ITIH6: variants seen among roughly 807,000 people sequenced by gnomAD.
The protein encoded by ITIH6 is inter-alpha-trypsin inhibitor heavy chain family member 6.
ITIH6 carries 60 observed loss-of-function variants against 58.2 expected under a neutral mutation model. The observed-to-expected ratio is 1.03, with a 90% CI of 0.84 to 1.28. The LOEUF (loss-of-function observed/expected upper bound fraction) is 1.28. ITIH6 is among the 50% of genes most tolerant of loss of function. The pLI is 0.00. For missense variants in ITIH6, 1,290 were observed against 1,021.1 expected (o/e 1.26, Z -3.59); for synonymous variants, 493 against 417.4 (o/e 1.18, Z -2.21).
At chrX:54,790,723 C>G (rs1341137663) in intron 4 of ITIH6, 114 bp downstream of exon 4, 2 of 950,855 alleles carry the variant, frequency 2.1e-6, no homozygotes, top group East Asian at 3.1e-5. Flanking sequence ...CAGGAAGGAA[C>G]TTGGCAGTGA....
intron 6 of ITIH6, among the ~76,000 whole-genome samples, chrX:54,765,367 T>A (rs1262542153): frequency 1.4e-5 from 1 of 73,464 alleles, no homozygotes; most frequent in East Asian, 4.3e-4. Context: ...ATGCCTAGGT[T>A]TTCTTCTAGG....
intron 6 of ITIH6, among the ~76,000 whole-genome samples, chrX:54,770,475 G>T (rs1015068646): frequency 2.7e-4 from 30 of 112,675 alleles, no homozygotes; most frequent in Non-Finnish European, 1.1e-4. Flanking sequence ...CATTTTACAT[G>T]ATCCCGTTTT....
At chrX:54,771,413 T>G (rs932882323) in intron 6 of ITIH6, among the ~76,000 whole-genome samples, 1 of 112,371 alleles carries the variant, frequency 8.9e-6, no homozygotes, top group African/African-American at 3.2e-5. Context: ...GCTTCAGGAA[T>G]TTCTATGAAC....
chrX:54,774,845 G>C (rs769265566), intron 5 of ITIH6, among the ~76,000 whole-genome samples: 1 of 112,043 alleles, frequency 8.9e-6, no homozygotes, highest in East Asian at 2.8e-4. Context: ...GGCTGGGACA[G>C]CTGAGGGAAG....
At chrX:54,788,833 C>T (rs1040365984) in intron 4 of ITIH6, among the ~76,000 whole-genome samples, 184 bp from the exon 5 acceptor site, 1 of 112,326 alleles carries the variant, frequency 8.9e-6, no homozygotes, top group African/African-American at 3.2e-5. Flanking sequence ...AGTCCCACAG[C>T]CAGCTCCTCT....
chrX:54,769,925 C>A (rs1312937458), intron 6 of ITIH6, among the ~76,000 whole-genome samples: 1 of 106,731 alleles, frequency 9.4e-6, no homozygotes, highest in Non-Finnish European at 1.9e-5. Flanking sequence ...AGCTTCCCGG[C>A]TGCTTTGTTT....
At chrX:54,785,590 C>T (rs1415163672) in intron 5 of ITIH6, among the ~76,000 whole-genome samples, 1 of 111,735 alleles carries the variant, frequency 8.9e-6, no homozygotes, top group Non-Finnish European at 1.9e-5. Context: ...CCATGAATGT[C>T]ACAGTTGAAC....
chrX:54,781,204 G>A (rs774392719), intron 5 of ITIH6, among the ~76,000 whole-genome samples: 6 of 111,712 alleles, frequency 5.4e-5, no homozygotes, highest in South Asian at 3.7e-4. Flanking sequence ...TGATGAAGAC[G>A]CCAAAAGCAG....
chrX:54,768,645 T>TA (rs1317611966), intron 6 of ITIH6, among the ~76,000 whole-genome samples: 20 of 109,014 alleles, frequency 1.8e-4, no homozygotes, highest in Admixed American at 1.8e-3. Context: ...TGAAGCTTAG[T>TA]TTGGCTGGAT....
chrX:54,774,088 A>G lies in ITIH6; in HGVS notation c.896T>C (p.Met299Thr), dbSNP rs1929007200. ...DVSSSMFGTK[M>T]EQTKTAMNVI... ...TTCCAGGATCCTTGTTACCTGTTCC[A>G]TCTTGGTACCAAACATGGAGCTGCT... The change falls in exon 6 of 13, where the codon ATG becomes ACG. Residue 299 changes from methionine to threonine, a missense_variant. Transcript: ENST00000218436. 4.3e-6 allele frequency: 5 copies of G among 1,156,588 alleles called. No homozygotes were observed. Among genetic ancestry groups the G allele is most frequent in the Non-Finnish European group, 5.9e-6 (5 of 853,449 alleles).
chrX:54,768,711 C>T (rs1158023445), intron 6 of ITIH6, among the ~76,000 whole-genome samples: 3 of 104,161 alleles, frequency 2.9e-5, no homozygotes, highest in African/African-American at 1.1e-4. Flanking sequence ...TTGGCCCCCA[C>T]TCTCTTCTGG....
In ITIH6 at chrX:54,798,156, CAAG is replaced by C; in HGVS notation, c.52_54del (p.Leu18del). On this transcript the variant is annotated inframe_deletion, in exon 1 of 13. Coordinates refer to ENST00000218436, the MANE Select transcript of ITIH6 (RefSeq NM_198510.3). ...ACAGGGGGTCCCTGGTATGTCAGTT[CAAG>C]AAGAATGGTCAGCAAAAAGCTGACA... 1 of 1,192,622 alleles carries C rather than the reference CAAG, an allele frequency of 8.4e-7. No homozygotes were observed. The highest frequency in any genetic ancestry group is 1.1e-6 in the Non-Finnish European group (1 of 886,189).
At chrX:54,781,240 G>C (rs1243844618) in intron 5 of ITIH6, among the ~76,000 whole-genome samples, 2 of 111,945 alleles carry the variant, frequency 1.8e-5, no homozygotes, top group Middle Eastern at 4.6e-3. Flanking sequence ...AAAGAGACAA[G>C]TGGGATCCAA....
chrX:54,786,864 G>A (rs1929251211), intron 5 of ITIH6, among the ~76,000 whole-genome samples: 1 of 111,621 alleles, frequency 9.0e-6, no homozygotes. Context: ...CCAACTCAAG[G>A]TATGACACAG....
chrX:54,779,618 G>GA lies in ITIH6; in HGVS notation c.787-5422dup, dbSNP rs761740728. Among the ~76,000 whole-genome samples, 4 of 109,834 alleles carry GA rather than the reference G, an allele frequency of 3.6e-5. No individual in the cohort carries two copies. The Admixed American group carries it at 3.9e-4, about 11-fold the overall frequency. The stretch of plus-strand genomic sequence containing the variant: ...ATCTTGCTAAAAGGAAGACAGGAAG[G>GA]AAAAAAAAGGATGAGCAGACCACAA... On this transcript the variant is annotated intron_variant, in intron 5 of 12. Transcript: ENST00000218436.
In ITIH6 at chrX:54,755,080, C is replaced by G; in HGVS notation, c.3139G>C (p.Glu1047Gln). The change falls in exon 9 of 13, where the codon GAG (glutamate) becomes CAG (glutamine). Residue 1047 changes from glutamate to glutamine, a missense_variant. Transcript: ENST00000218436. The part of the protein sequence containing the change: ...GSPNWDGNSE[E>Q]ILGGAGGSME... ...CTGCCTCCAGCTCCTCCCAGGATCT[C>G]CTCAGAATTGCCATCCCAGTTTGGA... is the stretch of plus-strand genomic sequence containing the variant. 1 of 1,210,240 alleles carries G rather than the reference C, an allele frequency of 8.3e-7. No homozygotes were observed. The highest frequency in any genetic ancestry group is 1.1e-6 in the Non-Finnish European group (1 of 894,373).
At position 54,761,709 on chromosome X, in the gene ITIH6, T is replaced by G. The variant is rs371505463; in HGVS notation, c.904-1782A>C. Among the ~76,000 whole-genome samples the G allele has an allele frequency of 7.2e-5, 8 of 110,864 alleles. No individual in the cohort carries two copies. The East Asian group carries it at 1.1e-3, about 16-fold the overall frequency. On this transcript the variant is annotated intron_variant, in intron 6 of 12. Transcript: ENST00000218436. ...TTAAATAGGGAATCCTTTCCCCATT[T>G]CTTGTTTTTGTCAGGTTTGTCAAAG...
intron 6 of ITIH6, among the ~76,000 whole-genome samples, chrX:54,765,154 A>G (rs1174838118): frequency 5.5e-5 from 2 of 36,398 alleles, no homozygotes; most frequent in Non-Finnish European, 9.9e-5. Flanking sequence ...TAGATTCTGG[A>G]TATTAGCCCT....
At chrX:54,764,621 G>A (rs767738983) in intron 6 of ITIH6, among the ~76,000 whole-genome samples, 1,923 of 99,867 alleles carry the variant, frequency 0.019, 56 homozygotes, top group African/African-American at 0.068. Flanking sequence ...AGTATTCCAT[G>A]GTGTATATGT....
Sources: gnomAD v4.1 joint callset for allele counts (sites outside exome capture counted in the v4.1 genomes callset) on GRCh38, gnomAD v4.1.1 for gene constraint, MANE v1.5 for transcripts, NCBI Gene and HGNC (gene_info 2026-07-23, HGNC 2026-07-21) for gene names.